ALG12: variants seen among roughly 807,000 people sequenced by gnomAD.
ALG12 encodes dol-P-Man:Man(7)GlcNAc(2)-PP-Dol alpha-1,6-mannosyltransferase.
In ALG12, 36 loss-of-function variants were observed where a neutral mutation model predicts 46.0. That is an observed-to-expected ratio of 0.78 (90% confidence interval 0.60 to 1.03). ALG12 has a LOEUF of 1.03. Among genes scored for constraint, ALG12 ranks in the 50% least tolerant of loss-of-function variants. ALG12 has a pLI of 0.00. For missense variants in ALG12, 599 were observed against 633.5 expected (o/e 0.95, Z 0.58); for synonymous variants, 326 against 291.6 (o/e 1.12, Z -1.20).
intron 9 of ALG12, 37 bp downstream of exon 9, chr22:49,904,142 T>C: frequency 6.2e-7 from 1 of 1,614,084 alleles, no homozygotes; most frequent in Admixed American, 1.7e-5. Flanking sequence ...GGCCCTCACA[T>C]GGCCTCTGGG....
the ALG12 span, among the ~76,000 whole-genome samples, chr22:49,864,939 C>CA: frequency 9.7e-5 from 1 of 10,314 alleles, no homozygotes; most frequent in African/African-American, 3.2e-4. Flanking sequence ...CCCAGCAAGC[C>CA]CCCCCCCCCC....
the ALG12 span, among the ~76,000 whole-genome samples, chr22:49,869,708 A>G: frequency 2.6e-5 from 4 of 152,220 alleles, no homozygotes; most frequent in African/African-American, 9.6e-5. Context: ...GGGTAGCATA[A>G]TAAACCCTGT....
the ALG12 span, among the ~76,000 whole-genome samples, chr22:49,860,948 T>A: frequency 6.6e-6 from 1 of 150,926 alleles, no homozygotes; most frequent in African/African-American, 2.4e-5. Flanking sequence ...CCAGCTAATT[T>A]TTTGTACTTT....
At chr22:49,880,427 G>C in the ALG12 span, among the ~76,000 whole-genome samples, 5 of 152,238 alleles carry the variant, frequency 3.3e-5, no homozygotes, top group African/African-American at 1.2e-4. Context: ...CGAGACCACC[G>C]GGCTCTGCCA....
chr22:49,862,362 GCAAGT>G, the ALG12 span, among the ~76,000 whole-genome samples: 1 of 152,230 alleles, frequency 6.6e-6, no homozygotes, highest in African/African-American at 2.4e-5. Flanking sequence ...ACCGTGGCCT[GCAAGT>G]AGCTGGGACT....
At chr22:49,879,461 G>T in the ALG12 span, among the ~76,000 whole-genome samples, 1 of 151,828 alleles carries the variant, frequency 6.6e-6, no homozygotes, top group Non-Finnish European at 1.5e-5. Flanking sequence ...ACGATGTTTT[G>T]CCATGTTGCC....
chr22:49,870,302 G>T, the ALG12 span, among the ~76,000 whole-genome samples: 4 of 152,090 alleles, frequency 2.6e-5, no homozygotes, highest in African/African-American at 4.8e-5. Flanking sequence ...TGTACATGGG[G>T]TTTTTTTGTA....
At chr22:49,898,282 G>A (rs142678866), downstream of ALG12, among the ~76,000 whole-genome samples, 4 of 150,652 alleles carry the variant, frequency 2.7e-5, no homozygotes, top group East Asian at 4.0e-4. Flanking sequence ...TACTGGGATC[G>A]CAGGCGTGAG....
chr22:49,895,410 G>C (rs1042914924), downstream of ALG12, among the ~76,000 whole-genome samples: 2 of 152,076 alleles, frequency 1.3e-5, no homozygotes, highest in Non-Finnish European at 2.9e-5. Context: ...CCAGCACTTT[G>C]GGAGGCCGAG....
chr22:49,860,926 C>T, the ALG12 span, among the ~76,000 whole-genome samples: 2 of 151,796 alleles, frequency 1.3e-5, no homozygotes, highest in African/African-American at 2.4e-5. Context: ...CTACAGGCGC[C>T]CACCACCACG....
rs752526990 is a variant in ALG12 at position 49,903,899 on chromosome 22, G to T, written c.1406C>A (p.Pro469His). The change falls in exon 10 of 10, where the codon CCC becomes CAC. Residue 469 changes from proline (P) to histidine (H), a missense_variant. Transcript: ENST00000330817. Reference sequence around the variant, plus strand: ...CTTTGTCTGCAGGTGGACGTTGAAGGGGGGCAGTTGGGTCAGGTTCAGACT... The same window carrying T: ...CTTTGTCTGCAGGTGGACGTTGAAGTGGGGCAGTTGGGTCAGGTTCAGACT... The part of the protein sequence containing the change: ...GVSLNLTQLP[P>H]FNVHLQTKLV... The T allele has an allele frequency of 1.2e-6, 2 of 1,614,120 alleles. No homozygotes were observed. Among genetic ancestry groups the T allele is most frequent in the Non-Finnish European group, 1.7e-6 (2 of 1,180,034 alleles).
At chr22:49,864,947 C>CG in the ALG12 span, among the ~76,000 whole-genome samples, 24 of 91,784 alleles carry the variant, frequency 2.6e-4, 1 homozygote, top group Admixed American at 6.7e-4. Flanking sequence ...GCCCCCCCCC[C>CG]CCCCCGTGAA....
intron 3 of ALG12, among the ~76,000 whole-genome samples, chr22:49,912,500 T>C (rs570062412): frequency 1.3e-5 from 2 of 152,308 alleles, no homozygotes; most frequent in South Asian, 2.1e-4. Flanking sequence ...CTACAGGACA[T>C]GCACGGCTTG....
At chr22:49,886,599 C>G in the ALG12 span, 2 of 1,563,018 alleles carry the variant, frequency 1.3e-6, no homozygotes, top group African/African-American at 2.7e-5. This position sits in a 1 kb window ranked among gnomAD's most constrained non-coding sequence, Gnocchi z 7.7. Context: ...TGGGCATCGA[C>G]ACCATGCTGC....
chr22:49,870,000 C>T, the ALG12 span, among the ~76,000 whole-genome samples: 7 of 152,142 alleles, frequency 4.6e-5, 1 homozygote, highest in Admixed American at 3.9e-4. Context: ...CTCGCAGTCC[C>T]AGTGCCTGTG....
intron 1 of ALG12, among the ~76,000 whole-genome samples, chr22:49,914,744 T>A (rs544605436): frequency 1.1e-4 from 16 of 152,184 alleles, no homozygotes; most frequent in East Asian, 7.7e-4. Context: ...ACTTTAAAAA[T>A]TTTTTTTAAG....
chr22:49,907,939 G>C lies in ALG12; in HGVS notation c.774C>G (p.Ser258=), dbSNP rs2060552974. The C allele has an allele frequency of 1.2e-6, 2 of 1,612,182 alleles. No individual in the cohort carries two copies. Among genetic ancestry groups the C allele is most frequent in the Non-Finnish European group, 1.7e-6 (2 of 1,179,854 alleles). The change falls in exon 7 of 10, where the codon TCC becomes TCG. Residue 258 remains serine (S), a synonymous_variant. Coordinates refer to ENST00000330817, the MANE Select transcript of ALG12 (RefSeq NM_024105.4). ...CTGAGTAGAAGTACCACAGCAGCGG[G>C]GAGGTCTGCGGGCTGGGTTAAGGAG... ...VLNKSSNWGT[S]PLLWYFYSAL...
the ALG12 span, among the ~76,000 whole-genome samples, chr22:49,881,247 G>A: frequency 1.3e-5 from 2 of 152,250 alleles, no homozygotes; most frequent in African/African-American, 4.8e-5. Flanking sequence ...TACTTGGGAG[G>A]CTGAGGCAGG....
chr22:49,911,940 C>G (rs1173531430), intron 3 of ALG12, among the ~76,000 whole-genome samples: 2 of 149,886 alleles, frequency 1.3e-5, no homozygotes, highest in South Asian at 4.2e-4. Flanking sequence ...AATCTCAACC[C>G]CGTGCCCAAC....
Sources: allele counts gnomAD v4.1 joint callset (sites outside exome capture counted in the v4.1 genomes callset), GRCh38; gene constraint gnomAD v4.1.1; non-coding constraint Gnocchi (gnomAD v3.1); transcripts MANE v1.5; gene names NCBI Gene and HGNC (gene_info 2026-07-23, HGNC 2026-07-21).